Variants in COBLL1 observed in about 807,000 individuals in gnomAD.
The protein encoded by COBLL1 is cordon-bleu WH2 repeat protein like 1.
Under a neutral mutation model 94.8 loss-of-function variants are expected in COBLL1, and 50 were observed. That is an observed-to-expected ratio of 0.53 (90% CI 0.42 to 0.67). COBLL1 has a LOEUF of 0.67. COBLL1 is among the 30% of genes least tolerant of loss of function. The pLI is 0.00. For synonymous variants in COBLL1, 448 were observed against 473.8 expected, an observed-to-expected ratio of 0.95 and a Z score of 0.71; for missense variants, 1,362 against 1,348.7, an observed-to-expected ratio of 1.01 and a Z score of -0.15.
chr2:164,775,137 C>G (rs1314240199), intron 2 of COBLL1, among the ~76,000 whole-genome samples: 1 of 144,130 alleles, frequency 6.9e-6, no homozygotes, highest in Non-Finnish European at 1.5e-5. Flanking sequence ...GCCTCGGCAA[C>G]AGGAAGAGAC....
At chr2:164,777,184 T>A (rs1301827175) in intron 2 of COBLL1, among the ~76,000 whole-genome samples, 1 of 36 alleles carries the variant, frequency 0.028, no homozygotes, top group African/African-American at 0.12. Flanking sequence ...TGTAGCTTGA[T>A]TTTTTTTTTA....
At chr2:164,809,864 T>C (rs191599262) in intron 2 of COBLL1, among the ~76,000 whole-genome samples, 216 of 151,944 alleles carry the variant, frequency 1.4e-3, no homozygotes, top group African/African-American at 5.0e-3. Flanking sequence ...ACTAGAATTT[T>C]ATATATAAAG....
At chr2:164,755,079 C>A (rs988109607) in intron 2 of COBLL1, among the ~76,000 whole-genome samples, 1 of 152,190 alleles carries the variant, frequency 6.6e-6, no homozygotes, top group East Asian at 1.9e-4. Context: ...CCGGGAGGAT[C>A]ACTTAAGCCT....
At chr2:164,723,593 A>G (rs1279744330) in intron 5 of COBLL1, 1 of 152,124 alleles carries the variant, frequency 6.6e-6, no homozygotes, top group Non-Finnish European at 1.5e-5. Flanking sequence ...AATAAGGATA[A>G]TTTGGACATC....
chr2:164,698,925 T>C (rs1684092446), intron 11 of COBLL1, among the ~76,000 whole-genome samples: 1 of 151,874 alleles, frequency 6.6e-6, no homozygotes, highest in Non-Finnish European at 1.5e-5. Flanking sequence ...GGATGGGAAC[T>C]GGGAAACAGT....
intron 2 of COBLL1, among the ~76,000 whole-genome samples, chr2:164,797,064 T>C (rs1473485147): frequency 7.2e-5 from 11 of 152,260 alleles, no homozygotes; most frequent in Admixed American, 6.5e-4. Context: ...TCACATTTGG[T>C]ATTGCCTATA....
intron 1 of COBLL1, among the ~76,000 whole-genome samples, chr2:164,672,808 G>A (rs1273630672): frequency 6.6e-6 from 1 of 151,910 alleles, no homozygotes; most frequent in Non-Finnish European, 1.5e-5. Flanking sequence ...AAGAGACAGG[G>A]ATATTTCAGA....
intron 2 of COBLL1, among the ~76,000 whole-genome samples, chr2:164,774,658 C>T (rs1448274189): frequency 6.6e-6 from 1 of 152,150 alleles, no homozygotes; most frequent in African/African-American, 2.4e-5. Flanking sequence ...CTGGCACTTG[C>T]TTTCTAGCCT....
downstream of COBLL1, among the ~76,000 whole-genome samples, chr2:164,676,899 A>C (rs1426022985): frequency 6.6e-6 from 1 of 152,172 alleles, no homozygotes; most frequent in East Asian, 1.9e-4. Flanking sequence ...GTAATACATT[A>C]ATTATGCATT....
At chr2:164,746,273 AC>A (rs1240031016) in intron 2 of COBLL1, among the ~76,000 whole-genome samples, 2 of 152,168 alleles carry the variant, frequency 1.3e-5, no homozygotes, top group African/African-American at 2.4e-5. Flanking sequence ...TCTAGTCTCA[AC>A]GAAACAACCA....
intron 2 of COBLL1, among the ~76,000 whole-genome samples, chr2:164,840,493 T>C (rs1683538489): frequency 6.6e-6 from 1 of 151,576 alleles, no homozygotes; most frequent in Non-Finnish European, 1.5e-5. Context: ...ACATGCCTCA[T>C]TTAATATTAA....
intron 1 of COBLL1, among the ~76,000 whole-genome samples, chr2:164,668,638 G>A (rs1267265784): frequency 6.6e-6 from 1 of 152,210 alleles, no homozygotes; most frequent in Non-Finnish European, 1.5e-5. Flanking sequence ...TCCAATGTTC[G>A]TGAAGTGCAA....
intron 2 of COBLL1, among the ~76,000 whole-genome samples, chr2:164,660,106 G>A (rs181034785): frequency 8.4e-4 from 128 of 152,248 alleles, no homozygotes; most frequent in Admixed American, 2.9e-3. Flanking sequence ...TCCTAGGACT[G>A]GAAACTGGGA....
At chr2:164,795,471 C>CCA (rs541825269) in intron 2 of COBLL1, among the ~76,000 whole-genome samples, 155 of 152,044 alleles carry the variant, frequency 1.0e-3, no homozygotes, top group Non-Finnish European at 1.9e-3. Flanking sequence ...ATTAAATTAA[C>CCA]CATTGCAAAT....
In COBLL1 at chr2:164,695,568, AG is replaced by A. The variant is rs764881808; in HGVS notation, c.1823del (p.Pro608LeufsTer38). On this transcript the variant is annotated frameshift_variant, in exon 12 of 14. Coordinates refer to ENST00000652658, the MANE Select transcript of COBLL1 (RefSeq NM_001365672.2). LOFTEE classifies it high-confidence loss of function. ...GTTTCCCATCAAAACTGTTACAAGAAGGGGTTGTCTGAATTGCTGCATCTTT... is the reference window on the plus strand; with the variant it reads ...GTTTCCCATCAAAACTGTTACAAGAAGGGTTGTCTGAATTGCTGCATCTTT... ...KTKDAAIQTT[P>X]SCNSFDGKHQ... 1 of 1,613,946 alleles carries A rather than the reference AG, an allele frequency of 6.2e-7. No individual in the cohort carries two copies. Among genetic ancestry groups the A allele is most frequent in the Admixed American group, 1.7e-5 (1 of 60,004 alleles).
At chr2:164,763,967 G>A (rs1363953753) in intron 2 of COBLL1, among the ~76,000 whole-genome samples, 2 of 152,154 alleles carry the variant, frequency 1.3e-5, no homozygotes, top group African/African-American at 4.8e-5. Context: ...CGTAACTGTG[G>A]CTTACTGCAG....
intron 2 of COBLL1, among the ~76,000 whole-genome samples, chr2:164,799,880 T>C (rs768527122): frequency 2.6e-4 from 39 of 152,284 alleles, no homozygotes; most frequent in Non-Finnish European, 5.3e-4. Flanking sequence ...GTGGAATAAT[T>C]GGACTGTATG....
At chr2:164,729,869 G>T in intron 4 of COBLL1, 45 bp downstream of exon 4, 1 of 1,489,816 alleles carries the variant, frequency 6.7e-7, no homozygotes, top group Non-Finnish European at 9.3e-7. Flanking sequence ...ATGAGCTGCT[G>T]ATAATGACTG....
intron 13 of COBLL1, among the ~76,000 whole-genome samples, chr2:164,689,530 C>G (rs1447124488): frequency 6.6e-6 from 1 of 152,098 alleles, no homozygotes; most frequent in African/African-American, 2.4e-5. Flanking sequence ...CTGCCTGTGT[C>G]CATTTTTACT....
Sources: allele counts gnomAD v4.1 joint callset (sites outside exome capture counted in the v4.1 genomes callset), GRCh38; gene constraint gnomAD v4.1.1; transcripts MANE v1.5; gene names NCBI Gene and HGNC (gene_info 2026-07-23, HGNC 2026-07-21).